FLVCR2: variants seen among roughly 807,000 people sequenced by gnomAD.
FLVCR2 encodes choline/ethanolamine transporter FLVCR2.
Under a neutral mutation model 48.9 loss-of-function variants are expected in FLVCR2, and 38 were observed. The observed-to-expected ratio is 0.78, with a 90% confidence interval of 0.60 to 1.02. The LOEUF (loss-of-function observed/expected upper bound fraction) is 1.02. Ranked by LOEUF, FLVCR2 falls within the 50% of genes least tolerant of loss-of-function variation. The pLI is 0.00. For synonymous variants in FLVCR2, 255 were observed against 257.0 expected, an observed-to-expected ratio of 0.99 and a Z score of 0.07; for missense variants, 664 against 663.3, an observed-to-expected ratio of 1.00 and a Z score of -0.01.
intron 3 of FLVCR2, among the ~76,000 whole-genome samples, chr14:75,630,389 A>G (rs1890012904): frequency 1.3e-5 from 2 of 152,234 alleles, no homozygotes; most frequent in South Asian, 4.2e-4. Context: ...CTCAAATTCC[A>G]GACATTTTAA....
At chr14:75,640,390 G>A (rs1890280597) in intron 6 of FLVCR2, among the ~76,000 whole-genome samples, 1 of 148,492 alleles carries the variant, frequency 6.7e-6, no homozygotes, top group African/African-American at 2.5e-5. Flanking sequence ...TTTCCTATGG[G>A]CAGTATATGA....
At chr14:75,629,662 A>G (rs1889991237) in intron 3 of FLVCR2, among the ~76,000 whole-genome samples, 1 of 152,154 alleles carries the variant, frequency 6.6e-6, no homozygotes, top group Admixed American at 6.5e-5. Flanking sequence ...TTGCATTCAC[A>G]TGGCCTCCTC....
At chr14:75,594,498 G>T (rs1489274447) in intron 1 of FLVCR2, among the ~76,000 whole-genome samples, 2 of 152,190 alleles carry the variant, frequency 1.3e-5, no homozygotes, top group Admixed American at 6.5e-5. Context: ...GAATACCACA[G>T]ACTGGGTAAT....
chr14:75,594,493 C>A (rs901186992), intron 1 of FLVCR2, among the ~76,000 whole-genome samples: 1 of 152,216 alleles, frequency 6.6e-6, no homozygotes, highest in Non-Finnish European at 1.5e-5. Context: ...TCACAGAATA[C>A]CACAGACTGG....
chr14:75,588,906 T>C (rs980840725), intron 1 of FLVCR2, among the ~76,000 whole-genome samples: 1 of 152,192 alleles, frequency 6.6e-6, no homozygotes, highest in Non-Finnish European at 1.5e-5. Flanking sequence ...AGTCTTAACT[T>C]GTTCCAGCAT....
At position 75,622,102 on chromosome 14, in the gene FLVCR2, G is replaced by T. The variant is rs776019370; in HGVS notation, c.693G>T (p.Leu231Phe). The change falls in exon 2 of 10, where the codon TTG (leucine) becomes TTT (phenylalanine). Residue 231 changes from leucine to phenylalanine, a missense_variant. Transcript: ENST00000238667. ...AGCTTGGAATTGCGATTGGGTTCTT[G>T]GTCCCTCCTGTTTTGGTACCCAACA... is the stretch of plus-strand genomic sequence containing the variant. ...GNQLGIAIGF[L>F]VPPVLVPNIE... The T allele has an allele frequency of 1.9e-5, 31 of 1,613,970 alleles. No individual in the cohort carries two copies. The highest frequency in any genetic ancestry group is 2.4e-5 in the Non-Finnish European group (28 of 1,180,024).
chr14:75,633,148 A>G (rs570028300), intron 3 of FLVCR2, among the ~76,000 whole-genome samples: 1 of 152,314 alleles, frequency 6.6e-6, no homozygotes, highest in East Asian at 1.9e-4. Flanking sequence ...TTGAATCAGC[A>G]AAGAAAGTTG....
chr14:75,641,913 GC>G lies in FLVCR2; in HGVS notation c.1509+16del. ...CTCTTGAGAACGTGAGTATATGGGA[GC>G]TTTGTGGGGCTGAGATCGGGGTCCA... On this transcript the variant is annotated intron_variant, in intron 9 of 9. Coordinates refer to ENST00000238667, the MANE Select transcript of FLVCR2 (RefSeq NM_017791.3). 1 of 1,612,658 alleles carries G rather than the reference GC, an allele frequency of 6.2e-7. No homozygotes were observed. Among genetic ancestry groups the G allele is most frequent in the African/African-American group, 1.3e-5 (1 of 75,038 alleles).
At chr14:75,591,104 T>C (rs995335849) in intron 1 of FLVCR2, among the ~76,000 whole-genome samples, 1 of 152,186 alleles carries the variant, frequency 6.6e-6, no homozygotes, top group Non-Finnish European at 1.5e-5. Flanking sequence ...ACTGCTGTGG[T>C]GAGTTCTTGG....
At chr14:75,600,915 G>C (rs1481197290) in intron 1 of FLVCR2, among the ~76,000 whole-genome samples, 1 of 151,260 alleles carries the variant, frequency 6.6e-6, no homozygotes, top group Non-Finnish European at 1.5e-5. Flanking sequence ...TTAAAAATGA[G>C]CTAACAAATA....
chr14:75,621,889 G>A (rs1008581109), intron 1 of FLVCR2, among the ~76,000 whole-genome samples, 190 bp from the exon 2 acceptor site: 2 of 152,210 alleles, frequency 1.3e-5, no homozygotes, highest in South Asian at 2.1e-4. Flanking sequence ...TGGTCAGAAG[G>A]ATGTATGAGC....
intron 9 of FLVCR2, among the ~76,000 whole-genome samples, chr14:75,642,568 A>G (rs1411491338): frequency 6.6e-6 from 1 of 152,242 alleles, no homozygotes. Flanking sequence ...AATCTGAGAA[A>G]GAGCAAAGGT....
chr14:75,645,267 C>G (rs569202261), intron 9 of FLVCR2, among the ~76,000 whole-genome samples: 1 of 152,272 alleles, frequency 6.6e-6, no homozygotes, highest in African/African-American at 2.4e-5. Flanking sequence ...ACCATTTGTC[C>G]ACTTGACATT....
intron 3 of FLVCR2, among the ~76,000 whole-genome samples, chr14:75,628,090 G>C (rs1889951943): frequency 1.3e-5 from 2 of 152,024 alleles, no homozygotes; most frequent in African/African-American, 4.8e-5. Context: ...TACTGTGTTT[G>C]TTCCAAATTA....
At chr14:75,632,938 C>T (rs745341423) in intron 3 of FLVCR2, 1 of 702,356 alleles carries the variant, frequency 1.4e-6, no homozygotes, top group Admixed American at 2.0e-5. Context: ...GGCCAGGAGG[C>T]CTTTTCTCCT....
In FLVCR2 at chr14:75,624,895, TGCCCAAGG is replaced by T. The variant is rs1364614125; in HGVS notation, c.952+147_952+154del. ...AGGGTCAATCCAGAGGACCCAGCTA[TGCCCAAGG>T]GCCTTTGCATGTGTTGTAAAGTCCA... On this transcript the variant is annotated intron_variant, in intron 3 of 9. Coordinates refer to ENST00000238667, the MANE Select transcript of FLVCR2 (RefSeq NM_017791.3). The T allele has an allele frequency of 5.2e-6, 5 of 957,184 alleles. No individual in the cohort carries two copies. In the African/African-American group the frequency reaches 6.5e-5, roughly 12 times the overall value. 59.3% of individuals were successfully genotyped at this position (957,184 alleles called of 1,614,324 possible).
chr14:75,618,453 CTT>C (rs1196357049), intron 1 of FLVCR2, among the ~76,000 whole-genome samples: 1 of 152,236 alleles, frequency 6.6e-6, no homozygotes, highest in East Asian at 1.9e-4. Flanking sequence ...AAGACTATGA[CTT>C]GGTTTGACCA....
rs748748670 is a variant in FLVCR2, at chr14:75,624,666, C to A, written c.866C>A (p.Ala289Asp). 6 of 1,613,960 alleles carry A rather than the reference C, an allele frequency of 3.7e-6. No individual in the cohort carries two copies. The highest frequency in any genetic ancestry group is 5.1e-6 in the Non-Finnish European group (6 of 1,180,008). Reference sequence around the variant, plus strand: ...AGCAGGGCCCAATCCCTGAGCTATGCCTTGACCTCTCCTGATGCCTCATAC... The same window carrying A: ...AGCAGGGCCCAATCCCTGAGCTATGACTTGACCTCTCCTGATGCCTCATAC... Reference protein sequence around the residue: ...PPSRAQSLSYALTSPDASYLG... With the variant: ...PPSRAQSLSYDLTSPDASYLG... Residue 289 changes from alanine (A) to aspartate (D), a missense_variant, in exon 3 of 10, where the codon GCC becomes GAC. By Grantham distance (126) the Ala-to-Asp change is moderately radical. Transcript: ENST00000238667.
At chr14:75,631,969 CTGCTCACTGTGT>C (rs1890052669) in intron 3 of FLVCR2, 1 of 411,758 alleles carries the variant, frequency 2.4e-6, no homozygotes, top group Non-Finnish European at 4.9e-6. Flanking sequence ...GCTCACTGTG[CTGCTCACTGTGT>C]GCACAGTTGG....
Sources: allele counts gnomAD v4.1 joint callset (sites outside exome capture counted in the v4.1 genomes callset), GRCh38; gene constraint gnomAD v4.1.1; transcripts MANE v1.5; gene names NCBI Gene and HGNC (gene_info 2026-07-23, HGNC 2026-07-21).